Variants in PREX2 observed in about 807,000 individuals in gnomAD.
The protein encoded by PREX2 is phosphatidylinositol-3,4,5-trisphosphate dependent Rac exchange factor 2.
Under a neutral mutation model 203.2 loss-of-function variants are expected in PREX2, and 107 were observed. That is an observed-to-expected ratio of 0.53 (90% CI 0.45 to 0.62). The LOEUF is 0.62. Ranked by LOEUF, PREX2 falls within the 20% of genes least tolerant of loss-of-function variation. PREX2 has a pLI of 0.00. For missense variants in PREX2, 1,777 were observed against 1,955.9 expected, an observed-to-expected ratio of 0.91 and a Z score of 1.72; for synonymous variants, 672 against 663.6, an observed-to-expected ratio of 1.01 and a Z score of -0.19.
At chr8:68,197,774 CTA>C (rs1449413964) in intron 37 of PREX2, among the ~76,000 whole-genome samples, 2 of 147,164 alleles carry the variant, frequency 1.4e-5, no homozygotes, top group African/African-American at 5.0e-5. Context: ...TATATATATG[CTA>C]TATATATGCT....
At chr8:68,111,363 A>G (rs1422367083) in intron 25 of PREX2, among the ~76,000 whole-genome samples, 1 of 151,708 alleles carries the variant, frequency 6.6e-6, no homozygotes, top group African/African-American at 2.4e-5. Context: ...CTGCCTCACA[A>G]TCCTCCAGAC....
At chr8:67,987,776 C>T (rs528965989) in intron 1 of PREX2, among the ~76,000 whole-genome samples, 1 of 152,312 alleles carries the variant, frequency 6.6e-6, no homozygotes, top group East Asian at 1.9e-4. Context: ...GTCTAGGATA[C>T]CCTCCAGTTC....
intron 10 of PREX2, among the ~76,000 whole-genome samples, chr8:68,060,184 AT>A (rs1196428888): frequency 2.0e-5 from 3 of 152,154 alleles, no homozygotes; most frequent in Admixed American, 1.3e-4. Flanking sequence ...CACATGGTAC[AT>A]GTGGTTTTGT....
chr8:68,120,094 TA>T, intron 28 of PREX2, 101 bp from the exon 29 acceptor site: 1 of 730,420 alleles, frequency 1.4e-6, no homozygotes, highest in Non-Finnish European at 2.2e-6. Context: ...GTTTCAAAAA[TA>T]ATTGTTGCTT....
At chr8:68,117,548 C>A (rs1810682218) in intron 26 of PREX2, among the ~76,000 whole-genome samples, 1 of 152,110 alleles carries the variant, frequency 6.6e-6, no homozygotes, top group Non-Finnish European at 1.5e-5. Context: ...ACTTTCTTAC[C>A]TCAAGTTCTA....
At chr8:67,977,647 G>A (rs778516086) in intron 1 of PREX2, among the ~76,000 whole-genome samples, 6 of 152,148 alleles carry the variant, frequency 3.9e-5, no homozygotes, top group Non-Finnish European at 7.3e-5. Flanking sequence ...CATGATTAGA[G>A]GGTTGGGACT....
At chr8:68,035,359 G>C (rs1043210499) in intron 6 of PREX2, among the ~76,000 whole-genome samples, 4 of 152,118 alleles carry the variant, frequency 2.6e-5, no homozygotes, top group African/African-American at 9.7e-5. Flanking sequence ...CACTGTGAAT[G>C]CATCTAGCTC....
chr8:68,152,297 A>AAAACAAAC (rs1230648248), intron 34 of PREX2, among the ~76,000 whole-genome samples: 67 of 150,848 alleles, frequency 4.4e-4, no homozygotes, highest in Non-Finnish European at 7.2e-4. Flanking sequence ...GAGAAAAAAA[A>AAAACAAAC]AAAAAAAAAA....
In PREX2 at chr8:68,099,787, GC is replaced by G; in HGVS notation, c.2662del (p.Leu888PhefsTer23). The G allele has an allele frequency of 6.2e-7, 1 of 1,613,218 alleles. No homozygotes were observed. On this transcript the variant is annotated frameshift_variant, in exon 23 of 40. Coordinates refer to ENST00000288368, the MANE Select transcript of PREX2 (RefSeq NM_024870.4). LOFTEE classifies it high-confidence loss of function. ...TACTGACCTTCAGAGTAAATTCAGT[GC>G]CCTTTGCAGTGAAAGAATTGAACAC... is the stretch of plus-strand genomic sequence containing the variant. Reference protein sequence around the residue: ...IPTDLQSKFSALCSERIEHLC... With the variant: ...IPTDLQSKFSXLCSERIEHLC...
chr8:68,113,257 A>G (rs746861803), intron 25 of PREX2, among the ~76,000 whole-genome samples: 39 of 152,242 alleles, frequency 2.6e-4, no homozygotes, highest in Non-Finnish European at 4.7e-4. Context: ...TTTAAATAAA[A>G]AGCAAATATC....
chr8:68,204,789 A>G (rs1326217717), intron 37 of PREX2, among the ~76,000 whole-genome samples: 2 of 139,434 alleles, frequency 1.4e-5, no homozygotes, highest in African/African-American at 2.7e-5. Context: ...GGTTTACACC[A>G]TTCTGCCTCA....
chr8:68,108,016 CT>C lies in PREX2; in HGVS notation c.2716-90del. On this transcript the variant is annotated intron_variant, in intron 23 of 39. Coordinates refer to ENST00000288368, the MANE Select transcript of PREX2 (RefSeq NM_024870.4). ...TTCCAGTTGACATGATTTAATTTGC[CT>C]TTGATTTTGTTGTGAATGATGCAAG... 6.8e-6 allele frequency: 5 copies of C among 733,422 alleles called. No individual in the cohort carries two copies. In the South Asian group the frequency reaches 8.5e-5, roughly 12 times the overall value. 45.4% of individuals were successfully genotyped at this position (733,422 alleles called of 1,614,324 possible). A position where few individuals can be genotyped will look rare whatever the true frequency, so the allele number is the denominator to read the frequency against.
At chr8:68,133,880 T>A (rs1197855288) in intron 31 of PREX2, among the ~76,000 whole-genome samples, 179 bp from the exon 32 acceptor site, 1 of 152,246 alleles carries the variant, frequency 6.6e-6, no homozygotes, top group Non-Finnish European at 1.5e-5. Flanking sequence ...TGTTTAGTGT[T>A]TTCTGTAAAG....
chr8:68,108,855 ACCACTCAG>A (rs1224554128), intron 24 of PREX2, among the ~76,000 whole-genome samples: 1 of 152,214 alleles, frequency 6.6e-6, no homozygotes, highest in Non-Finnish European at 1.5e-5. Context: ...ACAATGGAAT[ACCACTCAG>A]CCATAAAAAG....
chr8:68,047,462 G>T (rs1221678968), intron 8 of PREX2, among the ~76,000 whole-genome samples: 3 of 103,966 alleles, frequency 2.9e-5, no homozygotes, highest in East Asian at 3.1e-4. Context: ...TAATAAAATG[G>T]ATGAATTTAT....
intron 37 of PREX2, among the ~76,000 whole-genome samples, chr8:68,202,458 A>C (rs540006405): frequency 6.6e-6 from 1 of 152,314 alleles, no homozygotes; most frequent in East Asian, 1.9e-4. Context: ...GAATAACATG[A>C]TTAGATATTT....
chr8:68,023,064 C>G (rs1807616072), intron 4 of PREX2, among the ~76,000 whole-genome samples: 1 of 152,084 alleles, frequency 6.6e-6, no homozygotes, highest in Non-Finnish European at 1.5e-5. Flanking sequence ...CCAGTTTGGG[C>G]TCCTATAAAT....
Position 68,138,447 on chromosome 8 carries a change from G to A in PREX2, c.4017G>A (p.Leu1339=). ...TDEQAMLEDT[L]VALFDLEKVS... is the part of the protein sequence containing the mutation. ...AACAAGCCATGTTAGAAGATACACT[G>A]GTTGCACTATTTGATTTGGAAAAGG... Residue 1339 remains leucine (L), a synonymous_variant, in exon 33 of 40, where the codon CTG becomes CTA. Coordinates refer to ENST00000288368, the MANE Select transcript of PREX2 (RefSeq NM_024870.4). 1.2e-6 allele frequency: 2 copies of A among 1,603,840 alleles called. No individual in the cohort carries two copies. Among genetic ancestry groups the A allele is most frequent in the Non-Finnish European group, 1.7e-6 (2 of 1,173,926 alleles).
Position 68,109,410 on chromosome 8 carries a change from C to T in PREX2, c.2939-6C>T. ...ATATTACTAAGGAATGACTTTAATTCCTCAGGGAAACTGAGCCCTATGGTG... is the reference window on the plus strand; with the variant it reads ...ATATTACTAAGGAATGACTTTAATTTCTCAGGGAAACTGAGCCCTATGGTG... On this transcript the variant is annotated splice_region_variant and splice_polypyrimidine_tract_variant and intron_variant, in intron 24 of 39. Coordinates refer to ENST00000288368, the MANE Select transcript of PREX2 (RefSeq NM_024870.4). 6.2e-7 allele frequency: 1 copy of T among 1,608,158 alleles called. No homozygotes were observed. The highest frequency in any genetic ancestry group is 1.7e-4 in the Middle Eastern group (1 of 5,782).
Sources: allele counts gnomAD v4.1 joint callset (sites outside exome capture counted in the v4.1 genomes callset), GRCh38; gene constraint gnomAD v4.1.1; transcripts MANE v1.5; gene names NCBI Gene and HGNC (gene_info 2026-07-23, HGNC 2026-07-21).